NLGN1: variants seen among roughly 807,000 people sequenced by gnomAD.
NLGN1 encodes neuroligin 1, also known as neuroligin-1.
Under a neutral mutation model 65.5 loss-of-function variants are expected in NLGN1, and 12 were observed. That is an observed-to-expected ratio of 0.18 (90% CI 0.12 to 0.30). The LOEUF (loss-of-function observed/expected upper bound fraction) is 0.30, where lower values mean the gene tolerates loss of function less well. Ranked by LOEUF, NLGN1 falls within the 10% of genes least tolerant of loss-of-function variation. The pLI is 1.00. For missense variants in NLGN1, 750 were observed against 1,007.1 expected (o/e 0.74, Z 3.46); for synonymous variants, 350 against 359.5 (o/e 0.97, Z 0.30).
rs5854521 is a variant in NLGN1 at position 173,615,743 on chromosome 3, G to GT, written c.493+10670dup. Among the ~76,000 whole-genome samples the GT allele has an allele frequency of 1.2e-3, 175 of 141,498 alleles. 1 individual carries two copies. The highest frequency in any genetic ancestry group is 9.2e-3 in the East Asian group (44 of 4,798). 92.8% of individuals were successfully genotyped at this position (141,498 alleles called of 152,430 possible). ...ATGGTTTAAAACTTTCCATCCATCT[G>GT]TTTTTTTTTTTTTTTTTTAAAGCCT... On this transcript the variant is annotated intron_variant, in intron 3 of 6. Transcript: ENST00000457714.
At position 174,058,379 on chromosome 3, in the gene NLGN1, T is replaced by C. The variant is rs1736626537; in HGVS notation, c.647-216936T>C. Among the ~76,000 whole-genome samples, 3 of 152,128 alleles carry C rather than the reference T, an allele frequency of 2.0e-5. No individual in the cohort carries two copies. The South Asian group carries it at 6.2e-4, about 32-fold the overall frequency. ...GATTCAGTTAAATTAGATAAAAGCATCTGAATTGGACACACTTCCCATCCC... is the reference window on the plus strand; with the variant it reads ...GATTCAGTTAAATTAGATAAAAGCACCTGAATTGGACACACTTCCCATCCC... On this transcript the variant is annotated intron_variant, in intron 4 of 6. Coordinates refer to ENST00000457714, the Ensembl canonical transcript of NLGN1.
intron 2 of NLGN1, among the ~76,000 whole-genome samples, chr3:173,445,472 C>T (rs1720092671): frequency 6.6e-6 from 1 of 152,110 alleles, no homozygotes; most frequent in Admixed American, 6.5e-5. Context: ...AGAAGCAAAA[C>T]CTGAGACTTG....
chr3:173,594,103 C>T (rs184583911), intron 2 of NLGN1, among the ~76,000 whole-genome samples: 3 of 152,288 alleles, frequency 2.0e-5, no homozygotes, highest in South Asian at 2.1e-4. Flanking sequence ...CTCATGTCCT[C>T]GCATTTCAAA....
chr3:173,591,056 G>T (rs761714337), intron 2 of NLGN1, among the ~76,000 whole-genome samples: 2 of 151,974 alleles, frequency 1.3e-5, no homozygotes, highest in Non-Finnish European at 2.9e-5. Context: ...AAAATATAAC[G>T]GTTTGGGATT....
rs563818201 is a variant in NLGN1, at chr3:173,676,895, T to C, written c.493+71804T>C. Reference sequence around the variant, plus strand: ...GTCTCTCTTCTTACTTTGATCACCATCCTTTTACTCCCGGCCCTGATGTCT... The same window carrying C: ...GTCTCTCTTCTTACTTTGATCACCACCCTTTTACTCCCGGCCCTGATGTCT... On this transcript the variant is annotated intron_variant, in intron 3 of 6. Coordinates refer to ENST00000457714, the Ensembl canonical transcript of NLGN1. Among the ~76,000 whole-genome samples, 3 of 152,240 alleles carry C rather than the reference T, an allele frequency of 2.0e-5. No individual in the cohort carries two copies. In the South Asian group the frequency reaches 6.2e-4, roughly 32 times the overall value.
chr3:174,083,314 C>A (rs541160642), intron 4 of NLGN1, among the ~76,000 whole-genome samples: 1 of 151,830 alleles, frequency 6.6e-6, no homozygotes. Context: ...TGGGTATATA[C>A]AAATAATCTT....
At chr3:174,036,169 A>C (rs940826409) in intron 4 of NLGN1, among the ~76,000 whole-genome samples, 3 of 152,194 alleles carry the variant, frequency 2.0e-5, no homozygotes, top group Non-Finnish European at 2.9e-5. Flanking sequence ...AAACAAAATA[A>C]AACAAACTAG....
chr3:173,949,552 T>C (rs1747803658), intron 4 of NLGN1, among the ~76,000 whole-genome samples: 1 of 152,210 alleles, frequency 6.6e-6, no homozygotes, highest in Non-Finnish European at 1.5e-5. Context: ...TTTTGAGACC[T>C]TGTCTTTACT....
chr3:174,078,178 G>T (rs2152544581), intron 4 of NLGN1, among the ~76,000 whole-genome samples: 1 of 152,240 alleles, frequency 6.6e-6, no homozygotes, highest in Non-Finnish European at 1.5e-5. Context: ...AGAGGAACAG[G>T]TAAGATAGAT....
intron 2 of NLGN1, among the ~76,000 whole-genome samples, chr3:173,537,483 A>AGTGTGTGT (rs35226730): frequency 2.1e-4 from 31 of 149,004 alleles, no homozygotes; most frequent in African/African-American, 5.2e-4. Context: ...GTATTTGCTT[A>AGTGTGTGT]GTGTGTGTGT....
At chr3:173,711,819 C>G (rs1283039619) in intron 3 of NLGN1, among the ~76,000 whole-genome samples, 2 of 152,114 alleles carry the variant, frequency 1.3e-5, no homozygotes, top group Admixed American at 6.5e-5. Flanking sequence ...AGACCAGAAC[C>G]TGACTGGCAA....
At chr3:174,131,337 A>G (rs1434896915) in intron 4 of NLGN1, among the ~76,000 whole-genome samples, 1 of 152,158 alleles carries the variant, frequency 6.6e-6, no homozygotes, top group African/African-American at 2.4e-5. Context: ...ATTTGTATAA[A>G]CGTTTTCACA....
At position 174,147,565 on chromosome 3, in the gene NLGN1, C is replaced by G. The variant is rs552506996; in HGVS notation, c.647-127750C>G. Among the ~76,000 whole-genome samples, 231 of 151,106 alleles carry G rather than the reference C, an allele frequency of 1.5e-3. 1 individual carries two copies. Among genetic ancestry groups the G allele is most frequent in the African/African-American group, 5.4e-3 (221 of 41,180 alleles). ...TATCCTGGCTCAGCCTCCCAAGTAG[C>G]TGGGATTACAGGCGGCTGCCACCAC... On this transcript the variant is annotated intron_variant, in intron 4 of 6. Transcript: ENST00000457714.
the NLGN1 span, among the ~76,000 whole-genome samples, chr3:174,293,670 C>T: frequency 3.3e-5 from 5 of 151,678 alleles, no homozygotes; most frequent in Admixed American, 2.6e-4. Context: ...CTGTATCAGT[C>T]CACAAAGGCA....
chr3:173,570,513 A>C (rs1322513645), intron 2 of NLGN1, among the ~76,000 whole-genome samples: 1 of 152,110 alleles, frequency 6.6e-6, no homozygotes, highest in Non-Finnish European at 1.5e-5. Flanking sequence ...TTAACCAAAT[A>C]ATTTTAATTT....
At chr3:173,660,365 T>TA (rs1272829863) in intron 3 of NLGN1, among the ~76,000 whole-genome samples, 1 of 149,980 alleles carries the variant, frequency 6.7e-6, no homozygotes, top group Non-Finnish European at 1.5e-5. Context: ...CTTATTTTAT[T>TA]TTTTTTTTCA....
intron 3 of NLGN1, among the ~76,000 whole-genome samples, chr3:173,702,093 G>T (rs1480514186): frequency 6.6e-6 from 1 of 151,032 alleles, no homozygotes; most frequent in Non-Finnish European, 1.5e-5. Flanking sequence ...CAAAAAATTA[G>T]CTGGGCGTAG....
At chr3:174,096,551 C>T (rs991512561) in intron 4 of NLGN1, among the ~76,000 whole-genome samples, 4 of 151,984 alleles carry the variant, frequency 2.6e-5, no homozygotes, top group Admixed American at 2.0e-4. Context: ...AAATGGATAA[C>T]TTTTAAATGG....
chr3:174,246,996 C>G (rs1247421078), intron 4 of NLGN1, among the ~76,000 whole-genome samples: 1 of 152,108 alleles, frequency 6.6e-6, no homozygotes, highest in Admixed American at 6.5e-5. Context: ...ACATACAGAG[C>G]AAAACAATTC....
Sources: allele counts gnomAD v4.1 joint callset (sites outside exome capture counted in the v4.1 genomes callset), GRCh38; gene constraint gnomAD v4.1.1; transcripts MANE v1.5; gene names NCBI Gene and HGNC (gene_info 2026-07-23, HGNC 2026-07-21).